Variants in NSUN2 observed in about 807,000 individuals in gnomAD.
NSUN2 encodes the protein RNA cytosine C(5)-methyltransferase NSUN2.
NSUN2 carries 63 observed loss-of-function variants against 92.7 expected under a neutral mutation model. The observed-to-expected ratio is 0.68, with a 90% CI of 0.56 to 0.84. The LOEUF (loss-of-function observed/expected upper bound fraction) is 0.84, where lower values mean the gene tolerates loss of function less well. NSUN2 is among the 40% of genes least tolerant of loss of function. NSUN2 has a pLI of 0.00. For synonymous variants in NSUN2, 356 were observed against 348.3 expected, an observed-to-expected ratio of 1.02 and a Z score of -0.25; for missense variants, 989 against 964.9, an observed-to-expected ratio of 1.02 and a Z score of -0.33.
intron 3 of NSUN2, among the ~76,000 whole-genome samples, chr5:6,630,563 G>C (rs1261862453): frequency 1.3e-5 from 2 of 152,120 alleles, no homozygotes; most frequent in Non-Finnish European, 2.9e-5. Context: ...GTGATATTCG[G>C]TCTTGATACT....
At chr5:6,631,740 T>C (rs1579384004) in intron 3 of NSUN2, 133 bp downstream of exon 3, 2 of 681,002 alleles carry the variant, frequency 2.9e-6, no homozygotes, top group East Asian at 5.0e-5. Context: ...AAGCACCAGG[T>C]ACTAGAACAT....
At chr5:6,609,410 C>T (rs918376473) in intron 12 of NSUN2, among the ~76,000 whole-genome samples, 1 of 152,172 alleles carries the variant, frequency 6.6e-6, no homozygotes, top group Non-Finnish European at 1.5e-5. Context: ...CGTCATCATT[C>T]CTTGCAGCCA....
chr5:6,612,853 T>C (rs1445543653), intron 9 of NSUN2, among the ~76,000 whole-genome samples: 1 of 152,156 alleles, frequency 6.6e-6, no homozygotes, highest in Non-Finnish European at 1.5e-5. Flanking sequence ...AGCACCTGGG[T>C]TGGAAGCTGC....
intron 6 of NSUN2, chr5:6,621,571 A>AC (rs1267707293): frequency 6.5e-6 from 1 of 153,948 alleles, no homozygotes; most frequent in Non-Finnish European, 1.4e-5. Context: ...ACATGGTGAA[A>AC]CCCCGTCTCT....
rs961520826 is a variant in NSUN2, at chr5:6,632,866, C to A, written c.96+18G>T. 4.6e-6 allele frequency: 7 copies of A among 1,536,340 alleles called. No homozygotes were observed. Among genetic ancestry groups the A allele is most frequent in the Admixed American group, 2.0e-5 (1 of 50,772 alleles). On this transcript the variant is annotated intron_variant, in intron 1 of 18. Transcript: ENST00000264670. The stretch of plus-strand genomic sequence containing the variant: ...CCAGGAGGAGCCCCTGGCCCGCCCG[C>A]CGGGTCCCGGCTCCTACCGCCTCGC...
At chr5:6,631,776 G>T in intron 3 of NSUN2, 97 bp downstream of exon 3, 1 of 882,264 alleles carries the variant, frequency 1.1e-6, no homozygotes, top group Non-Finnish European at 1.8e-6. Flanking sequence ...GTATACCCAA[G>T]CTCTTTAACA....
At position 6,599,772 on chromosome 5, in the gene NSUN2, T is replaced by C; in HGVS notation, c.*154A>G. 1 of 683,222 alleles carries C rather than the reference T, an allele frequency of 1.5e-6. No homozygotes were observed. Among genetic ancestry groups the C allele is most frequent in the Non-Finnish European group, 2.6e-6 (1 of 390,262 alleles). The allele number at this position is 683,222 out of a possible 1,614,324, so 42.3% of individuals were successfully genotyped here. A position where few individuals can be genotyped will look rare whatever the true frequency, so the allele number is the denominator to read the frequency against. Reference sequence around the variant, plus strand: ...GCTCCAAAGAAAGCAGTCCTGGTCATTCAGAAGGCTCCTATGATCCCACCA... The same window carrying C: ...GCTCCAAAGAAAGCAGTCCTGGTCACTCAGAAGGCTCCTATGATCCCACCA... On this transcript the variant is annotated 3_prime_UTR_variant, in exon 19 of 19. Transcript: ENST00000264670.
In NSUN2 at chr5:6,609,926, A is replaced by T; in HGVS notation, c.1227-4T>A. The T allele has an allele frequency of 3.2e-6, 5 of 1,561,740 alleles. No homozygotes were observed. The highest frequency in any genetic ancestry group is 1.1e-5 in the South Asian group (1 of 88,240). On this transcript the variant is annotated splice_region_variant and splice_polypyrimidine_tract_variant and intron_variant, in intron 11 of 18. Coordinates refer to ENST00000264670, the MANE Select transcript of NSUN2 (RefSeq NM_017755.6). ...ATGATGGGGTAATATCCTAAGGCTA[A>T]ATATATATATATAATTCACACCTCT... is the stretch of plus-strand genomic sequence containing the variant.
At chr5:6,619,844 T>C (rs1022750650) in intron 7 of NSUN2, among the ~76,000 whole-genome samples, 5 of 149,518 alleles carry the variant, frequency 3.3e-5, no homozygotes, top group African/African-American at 1.3e-4. Flanking sequence ...CTTACGTATT[T>C]TCTCTGTTTT....
At chr5:6,631,011 G>A (rs545170440) in intron 3 of NSUN2, among the ~76,000 whole-genome samples, 1 of 152,240 alleles carries the variant, frequency 6.6e-6, no homozygotes, top group African/African-American at 2.4e-5. Flanking sequence ...AGAGAATGGC[G>A]TGAACCAGGG....
intron 6 of NSUN2, 39 bp downstream of exon 6, chr5:6,621,977 T>A: frequency 6.5e-7 from 1 of 1,532,688 alleles, no homozygotes; most frequent in East Asian, 2.3e-5. Flanking sequence ...TCTGCCAAAG[T>A]GGCATTCCTA....
At chr5:6,611,448 TAAAA>T (rs760872450) in intron 10 of NSUN2, among the ~76,000 whole-genome samples, 2,512 of 86,128 alleles carry the variant, frequency 0.029, 108 homozygotes, top group South Asian at 0.05. Flanking sequence ...CGGCCCAATT[TAAAA>T]AAAAAAAAAA....
Position 6,604,781 on chromosome 5 carries a change from G to T in NSUN2, c.1738-96C>A, listed in dbSNP as rs1736694775. 4.0e-6 allele frequency: 4 copies of T among 993,484 alleles called. No homozygotes were observed. The South Asian group carries it at 5.4e-5, about 13-fold the overall frequency. 61.5% of individuals were successfully genotyped at this position (993,484 alleles called of 1,614,324 possible). ...CACATGGAGCAACCGTCACGGAATG[G>T]GAAAGGAGAGGAGAAGCAGAAACCC... On this transcript the variant is annotated intron_variant, in intron 15 of 18. Transcript: ENST00000264670.
In NSUN2 at chr5:6,600,111, A is replaced by G. The variant is rs1242327860; in HGVS notation, c.2119T>C (p.Leu707=). ...HYLRMMGLEV[L]GEKKKEGVIL... is the part of the protein sequence containing the mutation. The stretch of plus-strand genomic sequence containing the variant: ...ACCCCTTCCTTCTTCTTTTCTCCCA[A>G]TACCTCCAGCCCCATCATCCTGAGA... Residue 707 remains leucine, a synonymous_variant, in exon 19 of 19, where the codon TTG becomes CTG. Coordinates refer to ENST00000264670, the MANE Select transcript of NSUN2 (RefSeq NM_017755.6). 7.4e-6 allele frequency: 12 copies of G among 1,613,972 alleles called. No homozygotes were observed. The highest frequency in any genetic ancestry group is 1.3e-5 in the African/African-American group (1 of 74,936).
In NSUN2 at chr5:6,630,396, C is replaced by A. The variant is rs1006744205; in HGVS notation, c.359+1477G>T. Among the ~76,000 whole-genome samples the A allele has an allele frequency of 3.9e-5, 6 of 152,202 alleles. No homozygotes were observed. In the East Asian group the frequency reaches 1.2e-3, roughly 29 times the overall value. ...TCTTGGCTTACTGCAACCTCCACCTCCTGGGTTCAAGCGATTCTCATGCCT... is the reference window on the plus strand; with the variant it reads ...TCTTGGCTTACTGCAACCTCCACCTACTGGGTTCAAGCGATTCTCATGCCT... On this transcript the variant is annotated intron_variant, in intron 3 of 18. Coordinates refer to ENST00000264670, the MANE Select transcript of NSUN2 (RefSeq NM_017755.6).
chr5:6,616,666 T>C lies in NSUN2; in HGVS notation c.1021+61A>G. The stretch of plus-strand genomic sequence containing the variant: ...GGTAAACCTCACGTTATGTGTATTG[T>C]ACCATACACATATGAAAAGCCCCCT... On this transcript the variant is annotated intron_variant, in intron 9 of 18. Transcript: ENST00000264670. 1.2e-5 allele frequency: 2 copies of C among 172,532 alleles called. 1 individual carries two copies. Among genetic ancestry groups the C allele is most frequent in the Non-Finnish European group, 1.7e-5 (2 of 117,030 alleles). 10.7% of individuals were successfully genotyped at this position (172,532 alleles called of 1,614,324 possible). A position where few individuals can be genotyped will look rare whatever the true frequency, so the allele number is the denominator to read the frequency against.
chr5:6,632,845 G>C (rs1460254362), intron 1 of NSUN2, 39 bp downstream of exon 1: 7 of 1,547,426 alleles, frequency 4.5e-6, no homozygotes, highest in South Asian at 1.2e-5. Flanking sequence ...GGAAGCCCAG[G>C]AGGAGCCCCT....
chr5:6,626,320 ATTTTTATTT>A (rs552463707), intron 3 of NSUN2, among the ~76,000 whole-genome samples: 19 of 151,628 alleles, frequency 1.3e-4, no homozygotes, highest in South Asian at 8.3e-4. Flanking sequence ...CATCAATGTT[ATTTTTATTT>A]TTTTTATTTT....
chr5:6,609,799 T>C (rs1222444311), intron 12 of NSUN2, 27 bp downstream of exon 12: 7 of 1,555,480 alleles, frequency 4.5e-6, no homozygotes, highest in African/African-American at 2.7e-5. Context: ...TCAAATGTTA[T>C]GTCATTTTGG....
Sources: allele counts gnomAD v4.1 joint callset (sites outside exome capture counted in the v4.1 genomes callset), GRCh38; gene constraint gnomAD v4.1.1; transcripts MANE v1.5; gene names NCBI Gene and HGNC (gene_info 2026-07-23, HGNC 2026-07-21).